MAPK8IP3: variants seen among roughly 807,000 people sequenced by gnomAD.
The protein encoded by MAPK8IP3 is C-Jun-amino-terminal kinase-interacting protein 3.
In MAPK8IP3, 49 loss-of-function variants were observed where a neutral mutation model predicts 157.8. The ratio of observed to expected loss-of-function variants is 0.31; its 90% CI spans 0.25 to 0.39. MAPK8IP3 has a LOEUF of 0.39. Ranked by LOEUF, MAPK8IP3 falls within the 10% of genes least tolerant of loss-of-function variation. The pLI is 1.00. For synonymous variants in MAPK8IP3, 897 were observed against 777.7 expected, an observed-to-expected ratio of 1.15 and a Z score of -2.55; for missense variants, 1,478 against 1,889.4, an observed-to-expected ratio of 0.78 and a Z score of 4.04.
At chr16:1,726,982 T>TGTGTGCTGTGTGCAGCGTCTGTGTGTC (rs2038920537) in intron 2 of MAPK8IP3, among the ~76,000 whole-genome samples, 1 of 151,790 alleles carries the variant, frequency 6.6e-6, no homozygotes, top group South Asian at 2.1e-4. Context: ...GTCTGTGTGT[T>TGTGTGCTGTGTGCAGCGTCTGTGTGTC]GTGTGCTGTG....
At chr16:1,764,928 C>G in intron 19 of MAPK8IP3, 85 bp from the exon 20 acceptor site, 1 of 1,378,734 alleles carries the variant, frequency 7.3e-7, no homozygotes. Context: ...TGGATCCTGA[C>G]AGATTCTGGG....
chr16:1,739,281 C>T (rs1034446122), intron 4 of MAPK8IP3, among the ~76,000 whole-genome samples: 3 of 116,920 alleles, frequency 2.6e-5, no homozygotes, highest in African/African-American at 1.0e-4. Context: ...TCCGTGTGAG[C>T]ATCCATGTGA....
intron 8 of MAPK8IP3, among the ~76,000 whole-genome samples, chr16:1,749,995 G>A (rs2041197208): frequency 6.6e-6 from 1 of 152,172 alleles, no homozygotes; most frequent in South Asian, 2.1e-4. Context: ...CACTGTACTT[G>A]GTGGTGAAAG....
chr16:1,754,249 T>C (rs925141741), intron 8 of MAPK8IP3, among the ~76,000 whole-genome samples: 4 of 152,152 alleles, frequency 2.6e-5, no homozygotes, highest in African/African-American at 9.7e-5. Flanking sequence ...TGCTGGGAGC[T>C]GTACCAGCTA....
chr16:1,770,205 T>A lies in MAPK8IP3; in HGVS notation c.*1381T>A, dbSNP rs1211782428. ...TGTTCCCCCAGGATCTCGAAGTGAC[T>A]CCGGGCTGAGCAGTGGGGCGGCTGG... On this transcript the variant is annotated 3_prime_UTR_variant, in exon 32 of 32. Transcript: ENST00000610761. 1 of 157,914 alleles carries A rather than the reference T, an allele frequency of 6.3e-6. No homozygotes were observed. Among genetic ancestry groups the A allele is most frequent in the African/African-American group, 2.4e-5 (1 of 41,614 alleles). The allele number at this position is 157,914 out of a possible 1,614,324, so 9.8% of individuals were successfully genotyped here.
At position 1,763,778 on chromosome 16, in the gene MAPK8IP3, A is replaced by C. The variant is rs2042088173; in HGVS notation, c.2020A>C (p.Lys674Gln). 1 of 1,563,748 alleles carries C rather than the reference A, an allele frequency of 6.4e-7. No individual in the cohort carries two copies. Among genetic ancestry groups the C allele is most frequent in the African/African-American group, 1.4e-5 (1 of 73,062 alleles). Residue 674 changes from lysine to glutamine, a missense_variant, in exon 17 of 32, where the codon AAG becomes CAG. Coordinates refer to ENST00000610761, the MANE Select transcript of MAPK8IP3 (RefSeq NM_001318852.2). The stretch of plus-strand genomic sequence containing the variant: ...CGGCTGGAGCCTGCCCGCCAAGTAC[A>C]AGCAGGTGCGGGCGGGCGCTGCGGG... ...ACGWSLPAKY[K>Q]QLSPNGGQED...
At position 1,724,136 on chromosome 16, in the gene MAPK8IP3, A is replaced by T. The variant is rs2038711956; in HGVS notation, c.319-421A>T. ...CATGGATCCCAGTGTAAAAATGGAAACACAGGGCTCTATGTTCAAAAATTA... is the reference window on the plus strand; with the variant it reads ...CATGGATCCCAGTGTAAAAATGGAATCACAGGGCTCTATGTTCAAAAATTA... On this transcript the variant is annotated intron_variant, in intron 1 of 31. Coordinates refer to ENST00000610761, the MANE Select transcript of MAPK8IP3 (RefSeq NM_001318852.2). The surrounding 1 kb of genome is among the most constrained non-coding windows in gnomAD (Gnocchi z 4.1). Among the ~76,000 whole-genome samples the T allele has an allele frequency of 6.6e-6, 1 of 152,200 alleles. No individual in the cohort carries two copies. Among genetic ancestry groups the T allele is most frequent in the Admixed American group, 6.5e-5 (1 of 15,282 alleles).
intron 11 of MAPK8IP3, 161 bp downstream of exon 11, chr16:1,760,176 G>T: frequency 1.0e-6 from 1 of 970,442 alleles, no homozygotes; most frequent in South Asian, 1.6e-5. Context: ...ACTCTGCCTG[G>T]TTTCTTTACG....
chr16:1,736,702 G>GAC (rs2039892868), intron 4 of MAPK8IP3, among the ~76,000 whole-genome samples: 1 of 79,856 alleles, frequency 1.3e-5, no homozygotes, highest in Non-Finnish European at 2.4e-5. Context: ...GACCGTGTGA[G>GAC]CGTCCGTGTG....
chr16:1,723,933 C>G (rs1740895483), intron 1 of MAPK8IP3, among the ~76,000 whole-genome samples: 1 of 152,184 alleles, frequency 6.6e-6, no homozygotes, highest in Non-Finnish European at 1.5e-5. Context: ...CTAGACCAAT[C>G]CCCCTGCCTT....
At position 1,743,893 on chromosome 16, in the gene MAPK8IP3, G is replaced by A. The variant is rs528781210; in HGVS notation, c.747+417G>A. 4.6e-5 allele frequency: 49 copies of A among 1,059,916 alleles called. 1 individual carries two copies. Among genetic ancestry groups the A allele is most frequent in the Admixed American group, 1.2e-4 (2 of 16,902 alleles). 65.7% of individuals were successfully genotyped at this position (1,059,916 alleles called of 1,614,324 possible). ...GCCACGCCTCTACTCTCGGAGGAAC[G>A]TCAGTGTCTAGAGTGTGGGGTTTGC... On this transcript the variant is annotated intron_variant, in intron 5 of 31. Transcript: ENST00000610761. The surrounding 1 kb of genome is among the most constrained non-coding windows in gnomAD (Gnocchi z 5.6).
At position 1,710,447 on chromosome 16, in the gene MAPK8IP3, T is replaced by G. The variant is rs1273328227; in HGVS notation, c.318+3790T>G. 6.6e-6 allele frequency among the ~76,000 whole-genome samples: 1 copy of G among 152,138 alleles called. No homozygotes were observed. The highest frequency in any genetic ancestry group is 1.9e-4 in the East Asian group (1 of 5,198). On this transcript the variant is annotated intron_variant, in intron 1 of 31. Coordinates refer to ENST00000610761, the MANE Select transcript of MAPK8IP3 (RefSeq NM_001318852.2). The surrounding 1 kb of genome is among the most constrained non-coding windows in gnomAD (Gnocchi z 4.1). The stretch of plus-strand genomic sequence containing the variant: ...AAGATCATACCACTGCACTCCAGCC[T>G]GGGCAACAAGAGTGAGACTCTGTCT...
chr16:1,738,169 C>T (rs1238327900), intron 4 of MAPK8IP3, among the ~76,000 whole-genome samples: 72 of 56,826 alleles, frequency 1.3e-3, no homozygotes, highest in Admixed American at 3.7e-3. Context: ...TCTGTGTGAC[C>T]GTCCGTGTGA....
At chr16:1,736,015 A>ATCC (rs2039738196) in intron 4 of MAPK8IP3, among the ~76,000 whole-genome samples, 2 of 93,568 alleles carry the variant, frequency 2.1e-5, no homozygotes, top group Non-Finnish European at 4.2e-5. Flanking sequence ...TCCATGTGAG[A>ATCC]GTGTGACCGT....
At chr16:1,721,701 A>G (rs1179183462) in intron 1 of MAPK8IP3, among the ~76,000 whole-genome samples, 2 of 152,128 alleles carry the variant, frequency 1.3e-5, no homozygotes, top group African/African-American at 2.4e-5. Flanking sequence ...TCGGCCTCCC[A>G]AAGTACTGGG....
chr16:1,747,046 G>C lies in MAPK8IP3; in HGVS notation c.765G>C (p.Met255Ile). 1 of 1,613,584 alleles carries C rather than the reference G, an allele frequency of 6.2e-7. No individual in the cohort carries two copies. Among genetic ancestry groups the C allele is most frequent in the Non-Finnish European group, 8.5e-7 (1 of 1,179,814 alleles). The part of the protein sequence containing the change: ...SSSYQCPQDE[M>I]SESGQSSAAA... ...GGCCTTAGTGTCCACAGGATGAAAT[G>C]TCCGAGTCAGGCCAGTCCTCGGCGG... The change falls in exon 6 of 32, where the codon ATG becomes ATC. Residue 255 changes from methionine (M) to isoleucine (I), a missense_variant. Physicochemically the swap from Met to Ile is conservative, Grantham distance 10 (BLOSUM62 1). Coordinates refer to ENST00000610761, the MANE Select transcript of MAPK8IP3 (RefSeq NM_001318852.2).
Position 1,766,652 on chromosome 16 carries a change from G to A in MAPK8IP3, c.2939+4G>A. On this transcript the variant is annotated splice_donor_region_variant and intron_variant, in intron 23 of 31. Coordinates refer to ENST00000610761, the MANE Select transcript of MAPK8IP3 (RefSeq NM_001318852.2). ...GGCTGGGAGCCCAGAACGGCTGGTA[G>A]GAAGGGCCCGGGGCAAGGTGGAGGG... 6.2e-7 allele frequency: 1 copy of A among 1,612,376 alleles called. No individual in the cohort carries two copies. The highest frequency in any genetic ancestry group is 8.5e-7 in the Non-Finnish European group (1 of 1,179,816).
intron 20 of MAPK8IP3, among the ~76,000 whole-genome samples, chr16:1,765,639 G>C (rs183262351): frequency 9.7e-4 from 148 of 152,332 alleles, no homozygotes; most frequent in African/African-American, 3.3e-3. Flanking sequence ...GGCTCTGCCA[G>C]GTCTCTGGTG....
chr16:1,740,446 C>T (rs934789789), intron 4 of MAPK8IP3, among the ~76,000 whole-genome samples: 1 of 141,296 alleles, frequency 7.1e-6, no homozygotes, highest in Admixed American at 7.1e-5. Context: ...TAACACCTGT[C>T]TCCTTATCGT....
Sources: allele counts gnomAD v4.1 joint callset (sites outside exome capture counted in the v4.1 genomes callset), GRCh38; gene constraint gnomAD v4.1.1; non-coding constraint Gnocchi (gnomAD v3.1); transcripts MANE v1.5; gene names NCBI Gene and HGNC (gene_info 2026-07-23, HGNC 2026-07-21).